Variants in USP30 observed in about 807,000 individuals in gnomAD.
The protein encoded by USP30 is ubiquitin carboxyl-terminal hydrolase 30.
USP30 carries 41 observed loss-of-function variants against 68.2 expected under a neutral mutation model. That is an observed-to-expected ratio of 0.60 (90% CI 0.47 to 0.78). The LOEUF is 0.78. Ranked by LOEUF, USP30 falls within the 30% of genes least tolerant of loss-of-function variation. The probability of loss-of-function intolerance (pLI) is 0.00; values close to 1 mark genes in which losing one functional copy is unlikely to be tolerated. For synonymous variants in USP30, 229 were observed against 253.7 expected (o/e 0.90, Z 0.93); for missense variants, 522 against 649.4 (o/e 0.80, Z 2.13).
At chr12:109,055,401 T>TATATACATATATATATATATATACATA (rs61062424) in intron 1 of USP30, among the ~76,000 whole-genome samples, 3 of 29,636 alleles carry the variant, frequency 1.0e-4, no homozygotes, top group Non-Finnish European at 1.9e-4. Flanking sequence ...TATATATATA[T>TATATACATATATATATATATATACATA]TTTTTTTTTT....
intron 3 of USP30, among the ~76,000 whole-genome samples, chr12:109,045,702 G>A (rs988861300): frequency 6.6e-6 from 1 of 152,186 alleles, no homozygotes; most frequent in Admixed American, 6.5e-5. Context: ...CTAGCATGGG[G>A]TCTTGTCGGT....
At chr12:109,057,869 A>C in intron 2 of USP30, 57 bp from the exon 3 acceptor site, 15 of 1,542,874 alleles carry the variant, frequency 9.7e-6, no homozygotes, top group Non-Finnish European at 1.2e-5. Flanking sequence ...CCCACATGGG[A>C]GAGAAATTGA....
chr12:109,075,763 C>T (rs1430889497), intron 7 of USP30, among the ~76,000 whole-genome samples: 5 of 151,736 alleles, frequency 3.3e-5, no homozygotes, highest in African/African-American at 1.2e-4. Flanking sequence ...TTCATATACC[C>T]ACTGGCCATT....
chr12:109,059,755 T>C (rs190030434), intron 3 of USP30, among the ~76,000 whole-genome samples: 1 of 152,214 alleles, frequency 6.6e-6, no homozygotes, highest in South Asian at 2.1e-4. Flanking sequence ...TCAACTGATC[T>C]GCCTGCCTCA....
chr12:109,079,036 T>A (rs903539403), intron 7 of USP30, among the ~76,000 whole-genome samples: 7 of 152,196 alleles, frequency 4.6e-5, no homozygotes, highest in African/African-American at 1.7e-4. Flanking sequence ...TTTATTTTTG[T>A]TCATGCTGCG....
Position 109,082,949 on chromosome 12 carries a change from A to T in USP30, c.1055A>T (p.Asp352Val). Residue 352 changes from aspartate (D) to valine (V), a missense_variant, in exon 11 of 13, where the codon GAC (aspartate) becomes GTC (valine). Coordinates refer to ENST00000257548, the MANE Select transcript of USP30 (RefSeq NM_032663.5). ...HVQFNEFLMM[D>V]IYKYHLLGHK... ...CAGTTCAATGAGTTCCTGATGATGGACATTTACAAGTACCACCTCCTTGGA... is the reference window on the plus strand; with the variant it reads ...CAGTTCAATGAGTTCCTGATGATGGTCATTTACAAGTACCACCTCCTTGGA... 6.2e-7 allele frequency: 1 copy of T among 1,614,242 alleles called. No individual in the cohort carries two copies. Among genetic ancestry groups the T allele is most frequent in the Non-Finnish European group, 8.5e-7 (1 of 1,180,032 alleles).
intron 7 of USP30, among the ~76,000 whole-genome samples, chr12:109,076,281 CATTT>C (rs1274759094): frequency 2.6e-5 from 4 of 152,024 alleles, no homozygotes; most frequent in African/African-American, 9.7e-5. Context: ...TGTAAACATT[CATTT>C]ATTACTTCTA....
chr12:109,065,086 A>G (rs1001918894), intron 3 of USP30, among the ~76,000 whole-genome samples: 1 of 152,222 alleles, frequency 6.6e-6, no homozygotes, highest in African/African-American at 2.4e-5. Context: ...TCATAGGCAG[A>G]GCAGCCCAGA....
At chr12:109,033,944 A>G (rs1366178884) in intron 3 of USP30, among the ~76,000 whole-genome samples, 1 of 152,244 alleles carries the variant, frequency 6.6e-6, no homozygotes, top group Non-Finnish European at 1.5e-5. Flanking sequence ...AAAACTGTGT[A>G]GCTTGCTCAA....
At chr12:109,058,189 A>G in intron 3 of USP30, 81 bp downstream of exon 3, 1 of 1,363,634 alleles carries the variant, frequency 7.3e-7, no homozygotes, top group Non-Finnish European at 1.0e-6. Context: ...ACAAAGAGTT[A>G]ATACCTTATT....
intron 7 of USP30, among the ~76,000 whole-genome samples, chr12:109,078,196 C>T (rs61550352): frequency 2.6e-3 from 388 of 152,130 alleles, no homozygotes; most frequent in African/African-American, 8.8e-3. Context: ...AAGGCTGAGA[C>T]GAGTGGATCA....
intron 1 of USP30, chr12:109,054,933 G>A (rs1566084429): frequency 6.6e-6 from 1 of 152,172 alleles, no homozygotes; most frequent in East Asian, 1.9e-4. Flanking sequence ...ATTACCACCA[G>A]TGACTCTTCA....
intron 3 of USP30, among the ~76,000 whole-genome samples, chr12:109,059,021 TG>T (rs2040972136): frequency 1.3e-5 from 2 of 152,184 alleles, no homozygotes; most frequent in Admixed American, 6.5e-5. Context: ...ATTCCATGTC[TG>T]GGAGTCCGCC....
At chr12:109,039,357 G>C (rs2040546110) in intron 3 of USP30, among the ~76,000 whole-genome samples, 1 of 152,134 alleles carries the variant, frequency 6.6e-6, no homozygotes, top group Non-Finnish European at 1.5e-5. Context: ...TTTGGCCATA[G>C]AGGAATGTCA....
At chr12:109,052,809 C>G (rs758474789) in intron 1 of USP30, 48 bp downstream of exon 1, 2 of 1,405,886 alleles carry the variant, frequency 1.4e-6, no homozygotes, top group South Asian at 3.2e-5. Context: ...GACCAGGGTC[C>G]CCAGCTTGGG....
chr12:109,078,995 C>G (rs2041699411), intron 7 of USP30, among the ~76,000 whole-genome samples: 1 of 152,128 alleles, frequency 6.6e-6, no homozygotes, highest in African/African-American at 2.4e-5. Flanking sequence ...ATTTGTTTTT[C>G]TTCTGCTTAC....
At chr12:109,075,353 C>T (rs1301651092) in intron 7 of USP30, among the ~76,000 whole-genome samples, 1 of 152,120 alleles carries the variant, frequency 6.6e-6, no homozygotes, top group Non-Finnish European at 1.5e-5. Context: ...TTGTTACGTG[C>T]TGTCTTTTTT....
chr12:109,062,915 C>T (rs897248510), intron 3 of USP30, among the ~76,000 whole-genome samples: 14 of 152,104 alleles, frequency 9.2e-5, no homozygotes, highest in African/African-American at 3.1e-4. Flanking sequence ...CTTTCTCTCT[C>T]TTTGAATTTG....
intron 3 of USP30, among the ~76,000 whole-genome samples, chr12:109,031,794 G>C (rs569250906): frequency 6.6e-6 from 1 of 152,206 alleles, no homozygotes; most frequent in Admixed American, 6.6e-5. Context: ...GGTCTCAAAA[G>C]TAGTCACTCA....
Sources: allele counts gnomAD v4.1 joint callset (sites outside exome capture counted in the v4.1 genomes callset), GRCh38; gene constraint gnomAD v4.1.1; transcripts MANE v1.5; gene names NCBI Gene and HGNC (gene_info 2026-07-23, HGNC 2026-07-21).